KCNIP4: variants seen among roughly 807,000 people sequenced by gnomAD.
The protein encoded by KCNIP4 is potassium voltage-gated channel interacting protein 4.
In KCNIP4, 12 loss-of-function variants were observed where a neutral mutation model predicts 34.0. The observed-to-expected ratio is 0.35, with a 90% CI of 0.23 to 0.57. KCNIP4 has a LOEUF of 0.57. Ranked by LOEUF, KCNIP4 falls within the 20% of genes least tolerant of loss-of-function variation. The probability of loss-of-function intolerance (pLI) is 0.83; values close to 1 mark genes in which losing one functional copy is unlikely to be tolerated. For synonymous variants in KCNIP4, 124 were observed against 102.2 expected (o/e 1.21, Z -1.29); for missense variants, 238 against 311.7 (o/e 0.76, Z 1.78).
At chr4:21,718,464 T>G (rs183050674) in intron 1 of KCNIP4, 3 of 151,266 alleles carry the variant, frequency 2.0e-5, no homozygotes, top group East Asian at 1.9e-4. Flanking sequence ...TTGTTTTTTG[T>G]TTTTTTTTCA....
chr4:20,965,787 A>G lies in KCNIP4; in HGVS notation c.62-83078T>C, dbSNP rs6840235. 5.6e-3 allele frequency among the ~76,000 whole-genome samples: 849 copies of G among 152,328 alleles called. 10 individuals carry two copies. Among genetic ancestry groups the G allele is most frequent in the African/African-American group, 0.019 (788 of 41,568 alleles). On this transcript the variant is annotated intron_variant, in intron 1 of 8. Transcript: ENST00000382152. ...TGATTTTGTGTTTTTCCTTAAATAT[A>G]GCCATAAATGCTGAGCTATATGTTA...
intron 1 of KCNIP4, among the ~76,000 whole-genome samples, chr4:21,746,714 A>G (rs1716806725): frequency 6.6e-6 from 1 of 152,136 alleles, no homozygotes; most frequent in Non-Finnish European, 1.5e-5. Context: ...AGGGCTCACA[A>G]TGGAGAAACT....
At chr4:21,123,465 G>A (rs1295025409) in intron 1 of KCNIP4, among the ~76,000 whole-genome samples, 1 of 152,114 alleles carries the variant, frequency 6.6e-6, no homozygotes, top group Non-Finnish European at 1.5e-5. Context: ...TTTGATTTCA[G>A]AGCCTCTTTA....
chr4:21,685,488 C>T (rs996287474), intron 1 of KCNIP4, among the ~76,000 whole-genome samples: 2 of 152,136 alleles, frequency 1.3e-5, no homozygotes, highest in African/African-American at 2.4e-5. Context: ...TTCTACCCCA[C>T]CAAGCCACCA....
intron 1 of KCNIP4, among the ~76,000 whole-genome samples, chr4:21,705,712 G>T (rs933326617): frequency 8.5e-5 from 13 of 152,152 alleles, no homozygotes; most frequent in African/African-American, 3.1e-4. Flanking sequence ...AGTAAAATTT[G>T]AAGGTGGTGT....
intron 5 of KCNIP4, among the ~76,000 whole-genome samples, chr4:20,735,023 C>T (rs1749251374): frequency 6.6e-6 from 1 of 152,180 alleles, no homozygotes. Context: ...GTGGTATTGG[C>T]TTTCCACTGC....
chr4:21,223,658 G>A (rs1448435628), intron 1 of KCNIP4, among the ~76,000 whole-genome samples: 1 of 152,140 alleles, frequency 6.6e-6, no homozygotes, highest in Non-Finnish European at 1.5e-5. Context: ...AATTGCTGTT[G>A]AAAGTATATA....
intron 1 of KCNIP4, among the ~76,000 whole-genome samples, chr4:21,794,111 T>A (rs1720468161): frequency 6.6e-6 from 1 of 151,900 alleles, no homozygotes; most frequent in African/African-American, 2.4e-5. Flanking sequence ...CATCACACAA[T>A]GGGGCCTGTC....
intron 1 of KCNIP4, among the ~76,000 whole-genome samples, chr4:21,608,109 T>C (rs1309779069): frequency 1.3e-5 from 2 of 152,202 alleles, no homozygotes; most frequent in South Asian, 2.1e-4. Flanking sequence ...ATGGTCCTTA[T>C]TACAGACATT....
rs539193188 is a variant in KCNIP4 at position 20,798,544 on chromosome 4, C to A, written c.289-39654G>T. On this transcript the variant is annotated intron_variant, in intron 3 of 8. Coordinates refer to ENST00000382152, the MANE Select transcript of KCNIP4 (RefSeq NM_025221.6). ...ACACATACACACACACACACAGACACACAAAAAAGCTATGAATAATCAAGT... is the reference window on the plus strand; with the variant it reads ...ACACATACACACACACACACAGACAAACAAAAAAGCTATGAATAATCAAGT... 3.3e-3 allele frequency among the ~76,000 whole-genome samples: 503 copies of A among 151,910 alleles called. 2 individuals carry two copies. The highest frequency in any genetic ancestry group is 0.014 in the Middle Eastern group (4 of 294).
intron 1 of KCNIP4, among the ~76,000 whole-genome samples, chr4:21,094,146 A>C (rs538265492): frequency 1.1e-4 from 17 of 152,186 alleles, no homozygotes; most frequent in Non-Finnish European, 2.2e-4. Context: ...AAACATTGTA[A>C]AAGAAATTCC....
chr4:21,195,683 T>C (rs1756002995), intron 1 of KCNIP4, among the ~76,000 whole-genome samples: 1 of 152,240 alleles, frequency 6.6e-6, no homozygotes, highest in Non-Finnish European at 1.5e-5. Context: ...TATTTTGTTA[T>C]TTAATTTTAT....
At chr4:20,852,882 CA>C (rs1254959485) in intron 2 of KCNIP4, among the ~76,000 whole-genome samples, 1 of 151,968 alleles carries the variant, frequency 6.6e-6, no homozygotes, top group Non-Finnish European at 1.5e-5. Context: ...ACAATAGCTG[CA>C]AAAATATAAA....
At chr4:21,065,765 T>TATAA (rs1491302260) in intron 1 of KCNIP4, among the ~76,000 whole-genome samples, 423 of 114,780 alleles carry the variant, frequency 3.7e-3, no homozygotes, top group African/African-American at 0.011. Flanking sequence ...TATATATATA[T>TATAA]AACTCAATTT....
At chr4:21,259,930 C>T (rs1204450354) in intron 1 of KCNIP4, among the ~76,000 whole-genome samples, 1 of 118,262 alleles carries the variant, frequency 8.5e-6, no homozygotes, top group East Asian at 2.5e-4. Flanking sequence ...TGCACGTGCG[C>T]TTATGTGCAT....
chr4:21,251,049 TA>T (rs1760662874), intron 1 of KCNIP4, among the ~76,000 whole-genome samples: 1 of 152,068 alleles, frequency 6.6e-6, no homozygotes, highest in African/African-American at 2.4e-5. Context: ...CAGCTTTTTT[TA>T]AATTATTGAA....
At chr4:21,800,313 A>T (rs1014498338) in intron 1 of KCNIP4, among the ~76,000 whole-genome samples, 1 of 152,212 alleles carries the variant, frequency 6.6e-6, no homozygotes. Flanking sequence ...AAATAATAAG[A>T]GACACTGAAG....
chr4:21,452,375 C>T (rs1209632866), intron 1 of KCNIP4, among the ~76,000 whole-genome samples: 1 of 151,584 alleles, frequency 6.6e-6, no homozygotes, highest in Non-Finnish European at 1.5e-5. Context: ...GTAGAAATTT[C>T]TGGAAAGGTT....
intron 3 of KCNIP4, among the ~76,000 whole-genome samples, chr4:20,821,640 C>T (rs1457960352): frequency 6.6e-6 from 1 of 152,088 alleles, no homozygotes; most frequent in Non-Finnish European, 1.5e-5. Flanking sequence ...CCCTCCCACC[C>T]TTTCCCCACA....
Sources: gnomAD v4.1 joint callset for allele counts (sites outside exome capture counted in the v4.1 genomes callset) on GRCh38, gnomAD v4.1.1 for gene constraint, MANE v1.5 for transcripts, NCBI Gene and HGNC (gene_info 2026-07-23, HGNC 2026-07-21) for gene names.